PPP1R42: variants seen among roughly 807,000 people sequenced by gnomAD.
PPP1R42 encodes leucine rich repeat containing 67.
A neutral mutation model predicts 31.0 loss-of-function variants in PPP1R42; 34 were observed. The observed-to-expected ratio is 1.10, with a 90% CI of 0.83 to 1.46. The LOEUF is 1.46. Ranked by LOEUF, PPP1R42 falls within the 40% of genes most tolerant of loss-of-function variation. The probability of loss-of-function intolerance (pLI) is 0.00; values close to 1 mark genes in which losing one functional copy is unlikely to be tolerated. For synonymous variants in PPP1R42, 103 were observed against 109.8 expected, an observed-to-expected ratio of 0.94 and a Z score of 0.39; for missense variants, 268 against 303.0, an observed-to-expected ratio of 0.88 and a Z score of 0.86.
intron 7 of PPP1R42, among the ~76,000 whole-genome samples, chr8:66,971,499 C>T (rs1290517377): frequency 6.6e-6 from 1 of 152,124 alleles, no homozygotes; most frequent in East Asian, 1.9e-4. Flanking sequence ...TTTATTCTGG[C>T]ACTTAACATT....
rs1554542360 is a variant in PPP1R42 at position 67,018,825 on chromosome 8, CT to C, written c.-84-995del. 1.4e-4 allele frequency among the ~76,000 whole-genome samples: 7 copies of C among 48,404 alleles called. No individual in the cohort carries two copies. In the East Asian group the frequency reaches 3.1e-3, roughly 22 times the overall value. 31.8% of individuals were successfully genotyped at this position (48,404 alleles called of 152,430 possible). A position where few individuals can be genotyped will look rare whatever the true frequency, so the allele number is the denominator to read the frequency against. On this transcript the variant is annotated intron_variant, in intron 1 of 7. Coordinates refer to ENST00000685739, the MANE Select transcript of PPP1R42 (RefSeq NM_001364910.1). ...CGTGCCTGGCCCCCGCCCCCCCCCC[CT>C]TTTTTTTTTTTTTTTTTTTTAGGGA...
intron 3 of PPP1R42, 49 bp from the exon 4 acceptor site, chr8:67,013,145 G>T: frequency 6.8e-7 from 1 of 1,466,788 alleles, no homozygotes; most frequent in Non-Finnish European, 9.1e-7. Flanking sequence ...GAATGTCATG[G>T]TCTTTATTAA....
intron 2 of PPP1R42, among the ~76,000 whole-genome samples, chr8:67,015,000 A>G (rs1305171949): frequency 6.6e-6 from 1 of 152,116 alleles, no homozygotes; most frequent in Non-Finnish European, 1.5e-5. Flanking sequence ...TCATCTAGAT[A>G]TCCAAGAATA....
chr8:67,009,914 A>G (rs1474675429), intron 5 of PPP1R42, among the ~76,000 whole-genome samples: 3 of 152,222 alleles, frequency 2.0e-5, no homozygotes, highest in Non-Finnish European at 4.4e-5. Flanking sequence ...TTTGGGAGAA[A>G]GAAGCTCATT....
At chr8:66,987,142 ATATAC>A (rs536326200) in intron 6 of PPP1R42, among the ~76,000 whole-genome samples, 91 of 152,278 alleles carry the variant, frequency 6.0e-4, no homozygotes, top group Non-Finnish European at 8.7e-4. Flanking sequence ...TACTTTAAAA[ATATAC>A]TATAAAGATA....
intron 5 of PPP1R42, among the ~76,000 whole-genome samples, chr8:66,998,051 G>A (rs901052715): frequency 2.6e-5 from 4 of 151,976 alleles, no homozygotes; most frequent in Non-Finnish European, 5.9e-5. Context: ...AGAAATCTCT[G>A]TACTTTCCTT....
chr8:67,023,098 T>C (rs1051987538), intron 1 of PPP1R42, among the ~76,000 whole-genome samples: 3 of 152,154 alleles, frequency 2.0e-5, no homozygotes, highest in African/African-American at 7.2e-5. Flanking sequence ...AGGCCATGCA[T>C]AAGTTTTTTG....
chr8:66,993,364 G>C (rs1815245241), intron 5 of PPP1R42, among the ~76,000 whole-genome samples: 1 of 152,092 alleles, frequency 6.6e-6, no homozygotes, highest in African/African-American at 2.4e-5. Flanking sequence ...ACCTCCACTG[G>C]CTCCTCATTG....
At chr8:66,971,466 C>G (rs1056506693) in intron 7 of PPP1R42, among the ~76,000 whole-genome samples, 2 of 152,000 alleles carry the variant, frequency 1.3e-5, no homozygotes, top group African/African-American at 2.4e-5. Flanking sequence ...AATCGTGTAT[C>G]GTTTTGGGGA....
chr8:66,998,016 C>G (rs550701788), intron 5 of PPP1R42, among the ~76,000 whole-genome samples: 2 of 152,174 alleles, frequency 1.3e-5, no homozygotes, highest in East Asian at 3.9e-4. Flanking sequence ...TTCAACCATG[C>G]ATGTGTAGGG....
intron 6 of PPP1R42, 56 bp downstream of exon 6, chr8:66,988,344 C>A: frequency 7.7e-7 from 1 of 1,301,488 alleles, no homozygotes; most frequent in Non-Finnish European, 9.8e-7. Flanking sequence ...GGTAAAATAA[C>A]CAAAAAGTTA....
At position 66,985,403 on chromosome 8, in the gene PPP1R42, G is replaced by T; in HGVS notation, c.670+2997C>A. 3 of 747,996 alleles carry T rather than the reference G, an allele frequency of 4.0e-6. No homozygotes were observed. In the South Asian group the frequency reaches 4.7e-5, roughly 12 times the overall value. 46.3% of individuals were successfully genotyped at this position (747,996 alleles called of 1,614,324 possible). A position where few individuals can be genotyped will look rare whatever the true frequency, so the allele number is the denominator to read the frequency against. On this transcript the variant is annotated intron_variant, in intron 6 of 7. Coordinates refer to ENST00000685739, the MANE Select transcript of PPP1R42 (RefSeq NM_001364910.1). Reference sequence around the variant, plus strand: ...ATATTGGCAGGAGTAGACATGCAGTGTGTCAGCTCAATCTCCTTGCCTGTT... The same window carrying T: ...ATATTGGCAGGAGTAGACATGCAGTTTGTCAGCTCAATCTCCTTGCCTGTT...
At chr8:66,985,739 T>C in intron 6 of PPP1R42, 1 of 1,275,032 alleles carries the variant, frequency 7.8e-7, no homozygotes, top group Admixed American at 1.7e-5. Context: ...GTAGGGGGGC[T>C]AATGAAGCAC....
At chr8:67,023,067 A>ATTT (rs1816272841) in intron 1 of PPP1R42, among the ~76,000 whole-genome samples, 1 of 135,692 alleles carries the variant, frequency 7.4e-6, no homozygotes, top group Non-Finnish European at 1.5e-5. Context: ...TCAGTAGTTA[A>ATTT]AATTTTTTCT....
intron 6 of PPP1R42, among the ~76,000 whole-genome samples, chr8:66,982,703 C>T (rs1360613863): frequency 6.6e-6 from 1 of 152,134 alleles, no homozygotes; most frequent in Non-Finnish European, 1.5e-5. Flanking sequence ...AGCAATCCGC[C>T]TGCCTTGGCC....
chr8:66,985,702 G>A, intron 6 of PPP1R42: 1 of 1,321,502 alleles, frequency 7.6e-7, no homozygotes, highest in Non-Finnish European at 1.1e-6. Flanking sequence ...CTCTGGTTGG[G>A]AGGAAGAAGG....
intron 5 of PPP1R42, among the ~76,000 whole-genome samples, chr8:66,996,153 C>T (rs530815364): frequency 2.0e-5 from 3 of 152,254 alleles, no homozygotes; most frequent in East Asian, 1.9e-4. Context: ...CAGGCTCAAG[C>T]GATCCTTCCA....
chr8:67,021,049 C>T (rs1047518654), intron 1 of PPP1R42, among the ~76,000 whole-genome samples: 1 of 152,106 alleles, frequency 6.6e-6, no homozygotes, highest in Non-Finnish European at 1.5e-5. Flanking sequence ...GATAAATATC[C>T]CAGTTTCCCC....
chr8:67,005,724 C>T (rs958116001), intron 5 of PPP1R42, among the ~76,000 whole-genome samples: 23 of 152,266 alleles, frequency 1.5e-4, no homozygotes, highest in African/African-American at 5.5e-4. Context: ...TCCAAACCCA[C>T]CCACTCCTCT....
Sources: gnomAD v4.1 joint callset for allele counts (sites outside exome capture counted in the v4.1 genomes callset) on GRCh38, gnomAD v4.1.1 for gene constraint, MANE v1.5 for transcripts, NCBI Gene and HGNC (gene_info 2026-07-23, HGNC 2026-07-21) for gene names.